TNRC18: variants seen among roughly 807,000 people sequenced by gnomAD.
TNRC18 encodes trinucleotide repeat-containing gene 18 protein.
In TNRC18, 69 loss-of-function variants were observed where a neutral mutation model predicts 226.7. The observed-to-expected ratio is 0.30, with a 90% CI of 0.25 to 0.37. TNRC18 has a LOEUF of 0.37. Among genes scored for constraint, TNRC18 ranks in the 10% least tolerant of loss-of-function variants. The probability of loss-of-function intolerance (pLI) is 1.00; values close to 1 mark genes in which losing one functional copy is unlikely to be tolerated. For synonymous variants in TNRC18, 2,449 were observed against 1,927.6 expected (o/e 1.27, Z -7.09); for missense variants, 4,754 against 4,256.6 (o/e 1.12, Z -3.25).
At position 5,414,908 on chromosome 7, in the gene TNRC18, T is replaced by C. The variant is rs531608965; in HGVS notation, c.187+6152A>G. ...GATCCCAAGATCCAATAGAGAGCCA[T>C]ACATTGCCTTTAGCAGTTGCATTTT... On this transcript the variant is annotated intron_variant, in intron 2 of 29. Transcript: ENST00000430969. Among the ~76,000 whole-genome samples, 5 of 152,360 alleles carry C rather than the reference T, an allele frequency of 3.3e-5. No individual in the cohort carries two copies. The South Asian group carries it at 6.2e-4, about 19-fold the overall frequency.
At chr7:5,393,637 G>A (rs191699451) in intron 3 of TNRC18, among the ~76,000 whole-genome samples, 26 of 152,266 alleles carry the variant, frequency 1.7e-4, no homozygotes, top group Admixed American at 4.6e-4. Context: ...GAGGGAGGAG[G>A]GAGAAGGAAG....
chr7:5,344,572 G>A (rs59469936), intron 18 of TNRC18, among the ~76,000 whole-genome samples: 22,468 of 151,456 alleles, frequency 0.15, 1,795 homozygotes, highest in African/African-American at 0.17. Flanking sequence ...ACCTGCAGAG[G>A]GCATGAAGCC....
chr7:5,370,337 T>C, intron 11 of TNRC18, 38 bp downstream of exon 11: 1 of 1,512,556 alleles, frequency 6.6e-7, no homozygotes, highest in Non-Finnish European at 8.8e-7. Flanking sequence ...AAACTAAAAC[T>C]CACGAATCTG....
chr7:5,333,073 T>A, intron 18 of TNRC18, 24 bp from the exon 19 acceptor site: 1 of 1,555,248 alleles, frequency 6.4e-7, no homozygotes, highest in Non-Finnish European at 8.6e-7. Flanking sequence ...GAGGGCGTGC[T>A]GGTCACAGCC....
Position 5,389,278 on chromosome 7 carries a change from C to G in TNRC18, c.546G>C (p.Ser182=). ...AGTGGCCGCCGCCAGGGGTCCGGGC[C>G]GAGGGCGCGTGAGAGTGCAGGGAGC... ...APGSLHSHAP[S]ARTPGGGHSS... is the part of the protein sequence containing the mutation. Residue 182 remains serine (S), a synonymous_variant, in exon 5 of 30, where the codon TCG becomes TCC. Transcript: ENST00000430969. 3.1e-6 allele frequency: 4 copies of G among 1,296,510 alleles called. No individual in the cohort carries two copies. The South Asian group carries it at 9.4e-5, about 31-fold the overall frequency. 80.3% of individuals were successfully genotyped at this position (1,296,510 alleles called of 1,614,324 possible).
chr7:5,397,320 T>A (rs1780763350), intron 2 of TNRC18, among the ~76,000 whole-genome samples: 1 of 152,200 alleles, frequency 6.6e-6, no homozygotes, highest in South Asian at 2.1e-4. Context: ...CCGCCAGCTC[T>A]TCCTGCCGCA....
At chr7:5,373,573 C>T (rs1026985585) in intron 10 of TNRC18, among the ~76,000 whole-genome samples, 19 of 152,226 alleles carry the variant, frequency 1.2e-4, no homozygotes, top group African/African-American at 3.9e-4. Flanking sequence ...CACGCTCACA[C>T]ACCTGATACC....
rs774317250 is a variant in TNRC18, at chr7:5,351,850, G to C, written c.5439C>G (p.Phe1813Leu). ...CAAACGATTCCTCCGAAGAGTCGCTGAAGGAGGAACGCGCCTCGGCCTCTC... is the reference window on the plus strand; with the variant it reads ...CAAACGATTCCTCCGAAGAGTCGCTCAAGGAGGAACGCGCCTCGGCCTCTC... ...LLREAEARSS[F>L]SDSSEESFDQ... The change falls in exon 17 of 30, where the codon TTC becomes TTG. Residue 1813 changes from phenylalanine to leucine, a missense_variant. By Grantham distance (22) the Phe-to-Leu change is conservative. Coordinates refer to ENST00000430969, the MANE Select transcript of TNRC18 (RefSeq NM_001080495.3). 6 of 1,605,652 alleles carry C rather than the reference G, an allele frequency of 3.7e-6. No individual in the cohort carries two copies. The highest frequency in any genetic ancestry group is 4.2e-6 in the Non-Finnish European group (5 of 1,176,676).
chr7:5,334,256 G>C (rs1259490766), intron 18 of TNRC18, among the ~76,000 whole-genome samples: 1 of 152,102 alleles, frequency 6.6e-6, no homozygotes, highest in South Asian at 2.1e-4. Flanking sequence ...CTGCCCAGTG[G>C]GAAAAAGTCA....
intron 11 of TNRC18, among the ~76,000 whole-genome samples, chr7:5,369,452 G>A (rs576751179): frequency 1.1e-4 from 17 of 152,280 alleles, no homozygotes; most frequent in Admixed American, 5.9e-4. Context: ...GGCCTCTTTC[G>A]GAAGGCTGCT....
chr7:5,368,545 T>G (rs1006602268), intron 11 of TNRC18, among the ~76,000 whole-genome samples: 3 of 150,372 alleles, frequency 2.0e-5, no homozygotes, highest in Non-Finnish European at 2.9e-5. Flanking sequence ...GTGCCTGTAA[T>G]CCCAGGTACT....
Position 5,423,806 on chromosome 7 carries a change from C to T in TNRC18, c.-609G>A, listed in dbSNP as rs1282947849. ...GATTGGAAAAGGTACATTACACAAC[C>T]CCCCTTTCAAGTTCCTCTCGCAGGA... On this transcript the variant is annotated 5_prime_UTR_variant, in exon 1 of 30. Transcript: ENST00000430969. 1.3e-5 allele frequency among the ~76,000 whole-genome samples: 2 copies of T among 151,294 alleles called. No individual in the cohort carries two copies. The highest frequency in any genetic ancestry group is 2.1e-4 in the South Asian group (1 of 4,800).
rs1299011956 is a variant in TNRC18, at chr7:5,307,177, A to C, written c.*929T>G. ...TGCTAGACACTATAATCTAACAGGA[A>C]ATAAAAAATAATATTCTGCACGTCA... On this transcript the variant is annotated 3_prime_UTR_variant, in exon 30 of 30. Transcript: ENST00000430969. 3 of 147,894 alleles carry C rather than the reference A, an allele frequency of 2.0e-5. No individual in the cohort carries two copies. Among genetic ancestry groups the C allele is most frequent in the South Asian group, 2.1e-4 (1 of 4,728 alleles). The allele number at this position is 147,894 out of a possible 1,614,324, so 9.2% of individuals were successfully genotyped here. A position where few individuals can be genotyped will look rare whatever the true frequency, so the allele number is the denominator to read the frequency against.
intron 2 of TNRC18, among the ~76,000 whole-genome samples, chr7:5,405,426 A>C (rs1417242849): frequency 1.3e-5 from 2 of 151,844 alleles, no homozygotes; most frequent in Non-Finnish European, 2.9e-5. Flanking sequence ...AAAATTAGCC[A>C]AGTGTGGTGG....
chr7:5,387,150 G>A (rs1206797807), intron 5 of TNRC18, among the ~76,000 whole-genome samples: 7 of 152,142 alleles, frequency 4.6e-5, no homozygotes, highest in African/African-American at 1.4e-4. Flanking sequence ...TTACAGGCAC[G>A]TAAACTCTCT....
intron 21 of TNRC18, among the ~76,000 whole-genome samples, chr7:5,323,307 T>C (rs1788564291): frequency 6.6e-6 from 1 of 152,014 alleles, no homozygotes; most frequent in South Asian, 2.1e-4. Flanking sequence ...TGACTCTCCC[T>C]GACCCGGGTC....
chr7:5,326,783 G>A (rs1198475441), intron 19 of TNRC18, among the ~76,000 whole-genome samples: 1 of 150,992 alleles, frequency 6.6e-6, no homozygotes, highest in African/African-American at 2.4e-5. Flanking sequence ...CTCCAGCCTG[G>A]GCAAAAAAGA....
intron 18 of TNRC18, among the ~76,000 whole-genome samples, chr7:5,339,631 C>G (rs1445237057): frequency 6.6e-6 from 1 of 150,612 alleles, no homozygotes; most frequent in Non-Finnish European, 1.5e-5. Flanking sequence ...GTGCAATGGC[C>G]CGATCTCTGC....
chr7:5,345,994 C>T (rs556866653), intron 17 of TNRC18, among the ~76,000 whole-genome samples, 184 bp from the exon 18 acceptor site: 10 of 152,324 alleles, frequency 6.6e-5, no homozygotes, highest in Admixed American at 2.0e-4. Context: ...CCAATGCCCC[C>T]GGCCAGCTGA....
Sources: gnomAD v4.1 joint callset for allele counts (sites outside exome capture counted in the v4.1 genomes callset) on GRCh38, gnomAD v4.1.1 for gene constraint, MANE v1.5 for transcripts, NCBI Gene and HGNC (gene_info 2026-07-23, HGNC 2026-07-21) for gene names.